The following RHOH variants were observed in gnomAD, a reference collection of about 807,000 sequenced individuals.
RHOH encodes rho-related GTP-binding protein RhoH.
Under a neutral mutation model 13.8 loss-of-function variants are expected in RHOH, and 6 were observed. The observed-to-expected ratio is 0.44, with a 90% CI of 0.24 to 0.86. The LOEUF is 0.86. Ranked by LOEUF, RHOH falls within the 40% of genes least tolerant of loss-of-function variation. RHOH has a pLI of 0.24. For synonymous variants in RHOH, 117 were observed against 103.0 expected (o/e 1.14, Z -0.82); for missense variants, 147 against 244.5 (o/e 0.60, Z 2.66).
chr4:40,198,386 A>C (rs897057483), intron 1 of RHOH, among the ~76,000 whole-genome samples: 2 of 152,266 alleles, frequency 1.3e-5, no homozygotes, highest in African/African-American at 4.8e-5. Context: ...GCAGGAAATC[A>C]GATTAGACAG....
At chr4:40,200,847 C>T (rs1322927272) in intron 1 of RHOH, among the ~76,000 whole-genome samples, 2 of 152,262 alleles carry the variant, frequency 1.3e-5, no homozygotes, top group African/African-American at 2.4e-5. Flanking sequence ...TGCTTTCAAG[C>T]GAAAGCACCA....
chr4:40,201,945 GTT>G (rs1179441198), intron 1 of RHOH, among the ~76,000 whole-genome samples: 2,256 of 108,968 alleles, frequency 0.021, 69 homozygotes, highest in African/African-American at 0.074. Flanking sequence ...AACTCCATGA[GTT>G]TTTTTTTTTT....
At chr4:40,221,977 T>C (rs958481231) in intron 1 of RHOH, among the ~76,000 whole-genome samples, 2 of 152,212 alleles carry the variant, frequency 1.3e-5, no homozygotes, top group African/African-American at 4.8e-5. Flanking sequence ...AAAGCTTTAG[T>C]GGTCTGGGTA....
At position 40,243,247 on chromosome 4, in the gene RHOH, C is replaced by A; in HGVS notation, c.-140C>A. Reference sequence around the variant, plus strand: ...ATGGGCAGGGAGAAGTAACATTCTGCAAATCGCCGTCAGAGGTCCTGAGGA... The same window carrying A: ...ATGGGCAGGGAGAAGTAACATTCTGAAAATCGCCGTCAGAGGTCCTGAGGA... On this transcript the variant is annotated 5_prime_UTR_variant, in exon 3 of 3. Coordinates refer to ENST00000381799, the MANE Select transcript of RHOH (RefSeq NM_004310.5). The surrounding 1 kb of genome is among the most constrained non-coding windows in gnomAD (Gnocchi z 6.2). 1.6e-6 allele frequency: 1 copy of A among 636,174 alleles called. No homozygotes were observed. The highest frequency in any genetic ancestry group is 2.7e-6 in the Non-Finnish European group (1 of 374,110). The allele number at this position is 636,174 out of a possible 1,614,324, so 39.4% of individuals were successfully genotyped here. A position where few individuals can be genotyped will look rare whatever the true frequency, so the allele number is the denominator to read the frequency against.
At chr4:40,222,864 T>A (rs541501275) in intron 1 of RHOH, among the ~76,000 whole-genome samples, 1 of 152,334 alleles carries the variant, frequency 6.6e-6, no homozygotes, top group South Asian at 2.1e-4. Flanking sequence ...TTAGATGCCA[T>A]TCAGAACATT....
At chr4:40,199,445 T>C (rs893022695) in intron 1 of RHOH, among the ~76,000 whole-genome samples, 25 of 151,930 alleles carry the variant, frequency 1.6e-4, no homozygotes, top group Admixed American at 6.6e-5. Context: ...GGCACAGGGG[T>C]TGGGTGTTTT....
chr4:40,231,472 G>T (rs1453075541), intron 1 of RHOH, among the ~76,000 whole-genome samples: 1 of 152,058 alleles, frequency 6.6e-6, no homozygotes, highest in Non-Finnish European at 1.5e-5. Flanking sequence ...GTCATATGAC[G>T]GCAGCCTGTG....
chr4:40,191,139 G>A (rs2109322792), upstream of RHOH: 1 of 152,280 alleles, frequency 6.6e-6, no homozygotes, highest in Non-Finnish European at 1.5e-5. Context: ...GTGCTTTGCA[G>A]TCATTCCCTA....
At chr4:40,233,905 G>A (rs536563379) in intron 1 of RHOH, among the ~76,000 whole-genome samples, 3 of 149,356 alleles carry the variant, frequency 2.0e-5, no homozygotes, top group East Asian at 4.1e-4. Flanking sequence ...CAGCCTGGGC[G>A]ACAGAGTAAT....
chr4:40,241,205 G>A (rs1226770609), intron 1 of RHOH, among the ~76,000 whole-genome samples: 1 of 152,188 alleles, frequency 6.6e-6, no homozygotes, highest in Non-Finnish European at 1.5e-5. Context: ...GTGTGTGACA[G>A]TAACCTGGTG....
intron 1 of RHOH, among the ~76,000 whole-genome samples, chr4:40,236,855 T>C (rs1224284173): frequency 2.6e-5 from 4 of 152,052 alleles, no homozygotes; most frequent in African/African-American, 9.7e-5. Flanking sequence ...CATACACTTA[T>C]GTACACATAT....
At chr4:40,238,934 T>C (rs994954089) in intron 1 of RHOH, among the ~76,000 whole-genome samples, 2 of 152,168 alleles carry the variant, frequency 1.3e-5, no homozygotes, top group African/African-American at 4.8e-5. Flanking sequence ...GCTGATGATG[T>C]AACCCGCGGC....
At chr4:40,233,009 C>G (rs1470546793) in intron 1 of RHOH, among the ~76,000 whole-genome samples, 1 of 152,158 alleles carries the variant, frequency 6.6e-6, no homozygotes, top group Non-Finnish European at 1.5e-5. Context: ...ATAGCAGCTA[C>G]TATTTGCTAG....
intron 1 of RHOH, among the ~76,000 whole-genome samples, chr4:40,241,354 C>T (rs1409413619): frequency 6.6e-6 from 1 of 152,202 alleles, no homozygotes; most frequent in Non-Finnish European, 1.5e-5. Context: ...AGGTTTTGTG[C>T]TAAATCAGAC....
chr4:40,208,848 T>C (rs1032150515), intron 1 of RHOH, among the ~76,000 whole-genome samples: 1 of 151,988 alleles, frequency 6.6e-6, no homozygotes, highest in Non-Finnish European at 1.5e-5. Context: ...AGTGAGACCC[T>C]GTCTCAAAAA....
In RHOH at chr4:40,243,354, C is replaced by G; in HGVS notation, c.-33C>G. ...ACTGAGGGCTCTTTTCCCTGGGATT[C>G]TGGACTTCAGAGTAGGACAGCAGGC... On this transcript the variant is annotated 5_prime_UTR_variant, in exon 3 of 3. Coordinates refer to ENST00000381799, the MANE Select transcript of RHOH (RefSeq NM_004310.5). The surrounding 1 kb of genome is among the most constrained non-coding windows in gnomAD (Gnocchi z 6.2). The G allele has an allele frequency of 6.5e-7, 1 of 1,530,632 alleles. No individual in the cohort carries two copies. The highest frequency in any genetic ancestry group is 8.8e-7 in the Non-Finnish European group (1 of 1,137,738). The allele number at this position is 1,530,632 out of a possible 1,614,324, so 94.8% of individuals were successfully genotyped here. A position where few individuals can be genotyped will look rare whatever the true frequency, so the allele number is the denominator to read the frequency against.
intron 1 of RHOH, among the ~76,000 whole-genome samples, chr4:40,230,459 T>C (rs1409039407): frequency 1.3e-5 from 2 of 151,894 alleles, no homozygotes; most frequent in African/African-American, 4.8e-5. Context: ...GCCTCCCGAA[T>C]AGCTGGGACT....
chr4:40,194,504 T>C (rs1722925060), upstream of RHOH, among the ~76,000 whole-genome samples: 1 of 152,182 alleles, frequency 6.6e-6, no homozygotes, highest in African/African-American at 2.4e-5. Context: ...TTTGGGATTA[T>C]AGGCGTGAGC....
intron 1 of RHOH, among the ~76,000 whole-genome samples, chr4:40,224,539 AT>A (rs1399568523): frequency 2.0e-5 from 3 of 152,236 alleles, no homozygotes; most frequent in African/African-American, 7.2e-5. Context: ...TATCATTTAT[AT>A]AGAATTTTAA....
Sources: allele counts gnomAD v4.1 joint callset (sites outside exome capture counted in the v4.1 genomes callset), GRCh38; gene constraint gnomAD v4.1.1; non-coding constraint Gnocchi (gnomAD v3.1); transcripts MANE v1.5; gene names NCBI Gene and HGNC (gene_info 2026-07-23, HGNC 2026-07-21).